Variants in IFTAP observed in about 807,000 individuals in gnomAD.
The protein encoded by IFTAP is intraflagellar transport associated protein.
Under a neutral mutation model 19.4 loss-of-function variants are expected in IFTAP, and 19 were observed. That is an observed-to-expected ratio of 0.98 (90% CI 0.68 to 1.44). The LOEUF (loss-of-function observed/expected upper bound fraction) is 1.44. Among genes scored for constraint, IFTAP ranks in the 40% most tolerant of loss-of-function variants. IFTAP has a pLI of 0.00. For missense variants in IFTAP, 240 were observed against 253.6 expected (o/e 0.95, Z 0.36); for synonymous variants, 85 against 83.5 (o/e 1.02, Z -0.10).
At position 36,659,128 on chromosome 11, in the gene IFTAP, T is replaced by C. The variant is rs1453829247; in HGVS notation, c.608T>C (p.Leu203Pro). The change falls in exon 6 of 6, where the codon CTA becomes CCA. Residue 203 changes from leucine to proline, a missense_variant. By Grantham distance (98) the Leu-to-Pro change is moderately conservative (BLOSUM62 -3). Transcript: ENST00000334307. ...SPAEIENIKE[L>P]CKQQKRKDTS... ...GCAGAGATAGAGAACATCAAAGAGC[T>C]ATGCAAGCAGCAGAAGAGAAAGGAC... The C allele has an allele frequency of 6.8e-6, 11 of 1,608,516 alleles. No homozygotes were observed. Among genetic ancestry groups the C allele is most frequent in the Non-Finnish European group, 9.3e-6 (11 of 1,177,558 alleles).
intron 4 of IFTAP, among the ~76,000 whole-genome samples, chr11:36,641,834 A>C (rs1305170401): frequency 6.6e-6 from 1 of 151,986 alleles, no homozygotes; most frequent in Non-Finnish European, 1.5e-5. Flanking sequence ...ATCTTTTTTA[A>C]CTTCCTGTCT....
intron 2 of IFTAP, among the ~76,000 whole-genome samples, chr11:36,612,099 C>A (rs572194717): frequency 1.3e-4 from 20 of 152,102 alleles, no homozygotes; most frequent in African/African-American, 4.8e-4. Flanking sequence ...GGTTATAATA[C>A]ATTTACTTTT....
At chr11:36,626,076 T>G (rs1410317717) in intron 2 of IFTAP, among the ~76,000 whole-genome samples, 1 of 151,120 alleles carries the variant, frequency 6.6e-6, no homozygotes, top group African/African-American at 2.5e-5. Flanking sequence ...TTGCAAGGGT[T>G]CTGGCCTTTG....
At chr11:36,608,628 C>G (rs1038897807) in intron 1 of IFTAP, among the ~76,000 whole-genome samples, 1 of 152,186 alleles carries the variant, frequency 6.6e-6, no homozygotes, top group Admixed American at 6.5e-5. Flanking sequence ...TCTTAGCTGA[C>G]AGGTGTTCAG....
intron 2 of IFTAP, among the ~76,000 whole-genome samples, chr11:36,613,645 G>A (rs1277034956): frequency 1.3e-5 from 2 of 151,946 alleles, no homozygotes; most frequent in Admixed American, 6.6e-5. Flanking sequence ...TCATCAGAGG[G>A]GCTGCTTGAG....
chr11:36,654,723 C>A (rs926615794), intron 5 of IFTAP, among the ~76,000 whole-genome samples: 3 of 151,972 alleles, frequency 2.0e-5, no homozygotes, highest in African/African-American at 7.2e-5. Flanking sequence ...TTATCTTTAC[C>A]TGCTTCCCTT....
At chr11:36,599,428 T>G (rs1434414702) in intron 1 of IFTAP, among the ~76,000 whole-genome samples, 1 of 152,228 alleles carries the variant, frequency 6.6e-6, no homozygotes, top group African/African-American at 2.4e-5. Context: ...AAATCTGGGT[T>G]TGAGTTTCAG....
At chr11:36,621,979 A>G (rs1852306882) in intron 2 of IFTAP, among the ~76,000 whole-genome samples, 1 of 152,046 alleles carries the variant, frequency 6.6e-6, no homozygotes, top group African/African-American at 2.4e-5. Flanking sequence ...TCTCAGTTTT[A>G]GATTGAATAA....
At chr11:36,637,022 G>A (rs1163001265) in intron 4 of IFTAP, among the ~76,000 whole-genome samples, 1 of 151,868 alleles carries the variant, frequency 6.6e-6, no homozygotes, top group African/African-American at 2.4e-5. Context: ...TTCCACGGAG[G>A]TTTGGTTGTT....
At chr11:36,617,175 C>G (rs1250080082) in intron 2 of IFTAP, among the ~76,000 whole-genome samples, 2 of 147,982 alleles carry the variant, frequency 1.4e-5, no homozygotes, top group Non-Finnish European at 1.5e-5. Context: ...AATGATATTA[C>G]TTTTTATTTG....
At chr11:36,600,007 C>T (rs1036134155) in intron 1 of IFTAP, among the ~76,000 whole-genome samples, 5 of 152,152 alleles carry the variant, frequency 3.3e-5, no homozygotes, top group Non-Finnish European at 7.3e-5. Context: ...TTTAGCATAA[C>T]AATTAGTTGC....
chr11:36,602,166 A>G (rs1479921695), intron 1 of IFTAP, among the ~76,000 whole-genome samples: 1 of 152,230 alleles, frequency 6.6e-6, no homozygotes, highest in African/African-American at 2.4e-5. Context: ...GCTGGGAAAC[A>G]AATCTAAAAT....
intron 1 of IFTAP, 105 bp downstream of exon 1, chr11:36,594,697 G>T (rs1016163223): frequency 1.2e-5 from 2 of 162,322 alleles, no homozygotes; most frequent in African/African-American, 4.8e-5. Context: ...TGCAGCGCCC[G>T]GAGCGGTGTC....
At chr11:36,613,633 A>T (rs1851952593) in intron 2 of IFTAP, among the ~76,000 whole-genome samples, 1 of 152,062 alleles carries the variant, frequency 6.6e-6, no homozygotes, top group Admixed American at 6.6e-5. Flanking sequence ...AATAAAGTCT[A>T]GTCATCAGAG....
At chr11:36,643,717 T>C (rs1203868419) in intron 4 of IFTAP, among the ~76,000 whole-genome samples, 1 of 152,198 alleles carries the variant, frequency 6.6e-6, no homozygotes, top group African/African-American at 2.4e-5. Context: ...ATCTGATCTT[T>C]GACAAACTTA....
At chr11:36,607,156 G>A (rs1297477151) in intron 1 of IFTAP, among the ~76,000 whole-genome samples, 1 of 152,094 alleles carries the variant, frequency 6.6e-6, no homozygotes, top group Non-Finnish European at 1.5e-5. Context: ...TTATCTTTAG[G>A]TAACATCGCT....
intron 2 of IFTAP, among the ~76,000 whole-genome samples, chr11:36,625,512 G>C (rs931857499): frequency 6.6e-5 from 10 of 151,998 alleles, no homozygotes; most frequent in Non-Finnish European, 1.2e-4. Flanking sequence ...ATGACTTCCT[G>C]GTATTCACTT....
At chr11:36,656,116 G>T (rs749703860) in intron 5 of IFTAP, among the ~76,000 whole-genome samples, 1 of 152,254 alleles carries the variant, frequency 6.6e-6, no homozygotes, top group East Asian at 1.9e-4. Flanking sequence ...GGGTTGGGCC[G>T]TATCTATAAC....
intron 1 of IFTAP, among the ~76,000 whole-genome samples, chr11:36,609,560 C>T (rs1416927482): frequency 6.6e-6 from 1 of 152,044 alleles, no homozygotes; most frequent in Non-Finnish European, 1.5e-5. Context: ...AATAGAGTGA[C>T]AGTGAAGTGT....
Sources: gnomAD v4.1 joint callset for allele counts (sites outside exome capture counted in the v4.1 genomes callset) on GRCh38, gnomAD v4.1.1 for gene constraint, MANE v1.5 for transcripts, NCBI Gene and HGNC (gene_info 2026-07-23, HGNC 2026-07-21) for gene names.